UGGT2: variants seen among roughly 807,000 people sequenced by gnomAD.
The protein encoded by UGGT2 is UDP-glucose:glycoprotein glucosyltransferase 2.
Under a neutral mutation model 192.1 loss-of-function variants are expected in UGGT2, and 180 were observed. The ratio of observed to expected loss-of-function variants is 0.94; its 90% CI spans 0.83 to 1.06. The LOEUF is 1.06. Ranked by LOEUF, UGGT2 falls within the 50% of genes least tolerant of loss-of-function variation. UGGT2 has a pLI of 0.00. For synonymous variants in UGGT2, 580 were observed against 591.0 expected (o/e 0.98, Z 0.27); for missense variants, 1,849 against 1,795.7 (o/e 1.03, Z -0.54).
intron 31 of UGGT2, among the ~76,000 whole-genome samples, chr13:95,862,498 C>T (rs1890252805): frequency 6.6e-6 from 1 of 152,180 alleles, no homozygotes; most frequent in Admixed American, 6.6e-5. Context: ...TGGGGGGAAT[C>T]ATTCCTCCTC....
At chr13:95,966,120 T>C (rs1455146352) in intron 12 of UGGT2, among the ~76,000 whole-genome samples, 7 of 152,184 alleles carry the variant, frequency 4.6e-5, no homozygotes, top group Non-Finnish European at 1.0e-4. Context: ...CTATTCACGA[T>C]AGCAAACATA....
rs376756030 is a variant in UGGT2 at position 95,834,598 on chromosome 13, A to G, written c.4402-1545T>C. Among the ~76,000 whole-genome samples the G allele has an allele frequency of 2.4e-4, 36 of 152,224 alleles. 1 individual carries two copies. In the South Asian group the frequency reaches 7.3e-3, roughly 31 times the overall value. ...GGCCATTTCCTTGGGAATTTTCTGC[A>G]TTCTCTTTTCTCCTCCATGAAGAAT... On this transcript the variant is annotated intron_variant, in intron 37 of 38. Transcript: ENST00000376747.
chr13:95,903,765 T>C (rs1204009155), intron 20 of UGGT2, among the ~76,000 whole-genome samples: 1 of 152,156 alleles, frequency 6.6e-6, no homozygotes, highest in Non-Finnish European at 1.5e-5. Context: ...AAAAATAGGA[T>C]ATACATATCT....
chr13:96,019,353 T>C (rs1030645429), intron 4 of UGGT2, among the ~76,000 whole-genome samples: 1 of 151,890 alleles, frequency 6.6e-6, no homozygotes, highest in Non-Finnish European at 1.5e-5. Flanking sequence ...CCCACAAGAA[T>C]TCTACACAGG....
chr13:95,857,830 G>T (rs2140063559), intron 33 of UGGT2, among the ~76,000 whole-genome samples: 1 of 152,198 alleles, frequency 6.6e-6, no homozygotes, highest in African/African-American at 2.4e-5. Context: ...TAGCACTATT[G>T]TTCTGGTGAA....
chr13:95,913,935 C>T lies in UGGT2; in HGVS notation c.2296-10875G>A, dbSNP rs141035252. Among the ~76,000 whole-genome samples the T allele has an allele frequency of 1.5e-3, 221 of 152,068 alleles. 1 individual carries two copies. Among genetic ancestry groups the T allele is most frequent in the African/African-American group, 4.0e-3 (167 of 41,506 alleles). The stretch of plus-strand genomic sequence containing the variant: ...AAAAGGATGAGTTCATGTCCTTTGC[C>T]GGGACATGGATGAAGCTGGAAACCA... On this transcript the variant is annotated intron_variant, in intron 20 of 38. Coordinates refer to ENST00000376747, the MANE Select transcript of UGGT2 (RefSeq NM_020121.4).
chr13:95,925,907 T>G (rs1358982233), intron 19 of UGGT2, 133 bp from the exon 20 acceptor site: 7 of 533,912 alleles, frequency 1.3e-5, no homozygotes, highest in Non-Finnish European at 1.9e-5. Flanking sequence ...TTTTAAAATG[T>G]TATGTGTGAA....
At chr13:95,826,492 A>G (rs1007833420) in intron 38 of UGGT2, among the ~76,000 whole-genome samples, 1 of 152,160 alleles carries the variant, frequency 6.6e-6, no homozygotes, top group African/African-American at 2.4e-5. Flanking sequence ...CTGAAACATT[A>G]CTACAACCAA....
At chr13:95,928,498 GCTC>G (rs1430888280) in intron 17 of UGGT2, among the ~76,000 whole-genome samples, 10 of 151,338 alleles carry the variant, frequency 6.6e-5, no homozygotes, top group South Asian at 2.1e-4. Flanking sequence ...GGTCAGAGAC[GCTC>G]CTCACCTCTC....
At chr13:95,986,870 T>C (rs1566796873) in intron 8 of UGGT2, among the ~76,000 whole-genome samples, 1 of 152,148 alleles carries the variant, frequency 6.6e-6, no homozygotes. Flanking sequence ...TCTTTCAACA[T>C]TGTTTTACCT....
At chr13:95,902,796 A>C (rs1415396767) in intron 21 of UGGT2, 58 bp downstream of exon 21, 2 of 1,489,502 alleles carry the variant, frequency 1.3e-6, no homozygotes, top group African/African-American at 2.8e-5. Flanking sequence ...CTCCAAATAC[A>C]CTCACACTTT....
intron 36 of UGGT2, among the ~76,000 whole-genome samples, chr13:95,839,652 C>A (rs1208048503): frequency 6.6e-6 from 1 of 152,122 alleles, no homozygotes; most frequent in Non-Finnish European, 1.5e-5. Flanking sequence ...GGGTATATAT[C>A]TAGGAGTGGA....
At chr13:95,956,269 A>AGT (rs759625914) in intron 12 of UGGT2, among the ~76,000 whole-genome samples, 35 of 152,352 alleles carry the variant, frequency 2.3e-4, no homozygotes, top group Non-Finnish European at 3.8e-4. Flanking sequence ...ATTTATGATC[A>AGT]ACTGATATCT....
chr13:95,997,645 G>T (rs1001839806), intron 6 of UGGT2, among the ~76,000 whole-genome samples: 5 of 150,558 alleles, frequency 3.3e-5, no homozygotes, highest in Non-Finnish European at 7.4e-5. Flanking sequence ...TTCCATCTCA[G>T]GAAAAAAAAG....
chr13:96,035,102 G>A (rs2052961057), intron 1 of UGGT2, among the ~76,000 whole-genome samples: 1 of 152,136 alleles, frequency 6.6e-6, no homozygotes, highest in African/African-American at 2.4e-5. Context: ...AGCCCAAATA[G>A]CCAAGACAAT....
chr13:95,995,575 C>T (rs1214625793), intron 7 of UGGT2, among the ~76,000 whole-genome samples: 3 of 151,464 alleles, frequency 2.0e-5, no homozygotes, highest in East Asian at 1.9e-4. Context: ...GAAATTTGTG[C>T]TAAGGAAAAT....
chr13:96,042,552 C>T (rs1242059475), intron 1 of UGGT2, among the ~76,000 whole-genome samples: 1 of 151,370 alleles, frequency 6.6e-6, no homozygotes, highest in Non-Finnish European at 1.5e-5. Flanking sequence ...TTCAGATGGT[C>T]AGTTATTAAG....
At chr13:95,933,593 C>T (rs1395723968) in intron 17 of UGGT2, among the ~76,000 whole-genome samples, 1 of 152,046 alleles carries the variant, frequency 6.6e-6, no homozygotes, top group East Asian at 1.9e-4. Flanking sequence ...TTTTCTTCTG[C>T]TAGCTTTGAG....
In UGGT2 at chr13:95,830,393, C is replaced by T. The variant is rs575783939; in HGVS notation, c.4528+2534G>A. Among the ~76,000 whole-genome samples the T allele has an allele frequency of 3.6e-3, 542 of 152,174 alleles. 6 individuals carry two copies. Among genetic ancestry groups the T allele is most frequent in the African/African-American group, 0.012 (512 of 41,514 alleles). The stretch of plus-strand genomic sequence containing the variant: ...TGCAATCTACCCATCTGACAAAGGG[C>T]TAATATCCAGAATCTACAATGAACT... On this transcript the variant is annotated intron_variant, in intron 38 of 38. Transcript: ENST00000376747.
Sources: gnomAD v4.1 joint callset for allele counts (sites outside exome capture counted in the v4.1 genomes callset) on GRCh38, gnomAD v4.1.1 for gene constraint, MANE v1.5 for transcripts, NCBI Gene and HGNC (gene_info 2026-07-23, HGNC 2026-07-21) for gene names.